The following TRPC4 variants were observed in gnomAD, a reference collection of about 807,000 sequenced individuals.
The protein encoded by TRPC4 is short transient receptor potential channel 4.
A neutral mutation model predicts 99.4 loss-of-function variants in TRPC4; 49 were observed. The ratio of observed to expected loss-of-function variants is 0.49; its 90% CI spans 0.39 to 0.63. TRPC4 has a LOEUF of 0.63. Ranked by LOEUF, TRPC4 falls within the 20% of genes least tolerant of loss-of-function variation. The pLI is 0.00. For synonymous variants in TRPC4, 454 were observed against 425.9 expected (o/e 1.07, Z -0.81); for missense variants, 898 against 1,152.9 (o/e 0.78, Z 3.20).
In TRPC4 at chr13:37,868,290, T is replaced by TG. The variant is rs200353095; in HGVS notation, c.-28+1304dup. Among the ~76,000 whole-genome samples, 387 of 74,974 alleles carry TG rather than the reference T, an allele frequency of 5.2e-3. 4 individuals carry two copies. The East Asian group carries it at 0.072, about 14-fold the overall frequency. The allele number at this position is 74,974 out of a possible 152,430, so 49.2% of individuals were successfully genotyped here. A position where few individuals can be genotyped will look rare whatever the true frequency, so the allele number is the denominator to read the frequency against. On this transcript the variant is annotated intron_variant, in intron 1 of 10. Transcript: ENST00000379705. ...GCAAGTAAATTGAAATTGATCTTAT[T>TG]GTTTTTTTTCCCCCCTTAAACATTT...
At chr13:37,832,780 C>A (rs1211375628) in intron 1 of TRPC4, among the ~76,000 whole-genome samples, 2 of 151,926 alleles carry the variant, frequency 1.3e-5, no homozygotes, top group Non-Finnish European at 2.9e-5. Context: ...AAAATATATG[C>A]TTTAAATGTA....
At chr13:37,685,004 A>G (rs1953414138) in intron 4 of TRPC4, among the ~76,000 whole-genome samples, 1 of 152,086 alleles carries the variant, frequency 6.6e-6, no homozygotes, top group Non-Finnish European at 1.5e-5. Flanking sequence ...GTCACACATA[A>G]TATGTTTTAG....
At chr13:37,859,223 T>A (rs780470685) in intron 1 of TRPC4, among the ~76,000 whole-genome samples, 2 of 150,768 alleles carry the variant, frequency 1.3e-5, no homozygotes, top group Non-Finnish European at 3.0e-5. Context: ...GGAAAAAGCA[T>A]TAAAAGAAAA....
chr13:37,803,063 T>C (rs1957444702), intron 1 of TRPC4, among the ~76,000 whole-genome samples: 2 of 152,100 alleles, frequency 1.3e-5, no homozygotes, highest in Non-Finnish European at 2.9e-5. Flanking sequence ...TATTATTGTT[T>C]CTTTTATTGC....
intron 2 of TRPC4, among the ~76,000 whole-genome samples, chr13:37,782,310 A>G (rs1228975378): frequency 6.6e-6 from 1 of 152,108 alleles, no homozygotes; most frequent in African/African-American, 2.4e-5. Context: ...GTGCCATTTT[A>G]GTTTATTTTC....
chr13:37,644,889 A>AAAG (rs1555249110), intron 8 of TRPC4, among the ~76,000 whole-genome samples: 72 of 150,826 alleles, frequency 4.8e-4, no homozygotes, highest in Non-Finnish European at 9.8e-4. Context: ...AAAAAAAAAA[A>AAAG]AAAGAAAGAA....
At position 37,674,251 on chromosome 13, in the gene TRPC4, A is replaced by G. The variant is rs777239160; in HGVS notation, c.1351T>C (p.Leu451=). The change falls in exon 5 of 11, where the codon TTG becomes CTG. Residue 451 remains leucine, a synonymous_variant. Transcript: ENST00000379705. ...MNSLYLATIS[L]KIVAFVKYSA... ...ACCTTTACAAATGCAACAATTTTCA[A>G]GGAGATTGTTGCTAAATATAAGGAG... is the stretch of plus-strand genomic sequence containing the variant. 6.3e-7 allele frequency: 1 copy of G among 1,590,556 alleles called. No homozygotes were observed. Among genetic ancestry groups the G allele is most frequent in the Non-Finnish European group, 8.5e-7 (1 of 1,171,012 alleles).
intron 3 of TRPC4, among the ~76,000 whole-genome samples, chr13:37,745,458 A>ATATATGCGTG (rs1555265730): frequency 1.5e-4 from 1 of 6,584 alleles, no homozygotes; most frequent in Non-Finnish European, 4.3e-4. Context: ...ATATATATAT[A>ATATATGCGTG]TATATATATA....
At chr13:37,854,810 T>A (rs1193818962) in intron 1 of TRPC4, 1 of 151,706 alleles carries the variant, frequency 6.6e-6, no homozygotes, top group African/African-American at 2.4e-5. Flanking sequence ...ACTACCTTCA[T>A]GGAAAGAAGA....
At chr13:37,857,943 C>T (rs1959187560) in intron 1 of TRPC4, among the ~76,000 whole-genome samples, 1 of 151,650 alleles carries the variant, frequency 6.6e-6, no homozygotes. Flanking sequence ...AAAGTTTCTG[C>T]ACAGCAAAAG....
Position 37,731,747 on chromosome 13 carries a change from T to C in TRPC4, c.897+14190A>G, listed in dbSNP as rs564681679. Among the ~76,000 whole-genome samples the C allele has an allele frequency of 9.2e-5, 14 of 152,250 alleles. No homozygotes were observed. In the South Asian group the frequency reaches 2.9e-3, roughly 32 times the overall value. Reference sequence around the variant, plus strand: ...AGTTTTATGTCAAATATTCCTTTCATTAAAATAGTTAAAATCAAACAAAAT... The same window carrying C: ...AGTTTTATGTCAAATATTCCTTTCACTAAAATAGTTAAAATCAAACAAAAT... On this transcript the variant is annotated intron_variant, in intron 3 of 10. Transcript: ENST00000379705.
chr13:37,802,293 C>A (rs1274501607), intron 1 of TRPC4, among the ~76,000 whole-genome samples: 4 of 151,986 alleles, frequency 2.6e-5, no homozygotes, highest in Admixed American at 6.6e-5. Flanking sequence ...TAGGATTTCA[C>A]CTTATTTTTG....
At chr13:37,762,002 G>A (rs771454775) in intron 2 of TRPC4, among the ~76,000 whole-genome samples, 19 of 151,736 alleles carry the variant, frequency 1.3e-4, no homozygotes, top group Non-Finnish European at 2.1e-4. Flanking sequence ...TTGTATTTTA[G>A]GTAAATACTG....
At chr13:37,820,750 G>C (rs7491295) in intron 1 of TRPC4, among the ~76,000 whole-genome samples, 43,546 of 151,684 alleles carry the variant, frequency 0.29, 6,443 homozygotes, top group East Asian at 0.43. Flanking sequence ...TTCATAGTCA[G>C]AACCCTCAAC....
chr13:37,852,368 G>T (rs2139681681), intron 1 of TRPC4, among the ~76,000 whole-genome samples: 1 of 152,246 alleles, frequency 6.6e-6, no homozygotes, highest in Admixed American at 6.5e-5. Flanking sequence ...CACACTCTGG[G>T]CCAAAAGGAA....
At chr13:37,705,820 A>G (rs753038128) in intron 3 of TRPC4, among the ~76,000 whole-genome samples, 10 of 152,122 alleles carry the variant, frequency 6.6e-5, no homozygotes, top group Non-Finnish European at 1.3e-4. Context: ...TTAGCCCTGC[A>G]CGGTTACACT....
At chr13:37,836,452 T>G (rs1958568561) in intron 1 of TRPC4, among the ~76,000 whole-genome samples, 1 of 152,116 alleles carries the variant, frequency 6.6e-6, no homozygotes, top group Non-Finnish European at 1.5e-5. Context: ...GATAGTGATA[T>G]GGACAATGAA....
At chr13:37,823,524 A>G (rs1958088815) in intron 1 of TRPC4, among the ~76,000 whole-genome samples, 1 of 151,514 alleles carries the variant, frequency 6.6e-6, no homozygotes, top group African/African-American at 2.4e-5. Context: ...TTTATTAAAT[A>G]GGGAATCCTT....
At chr13:37,794,816 A>C (rs1211126673) in intron 1 of TRPC4, among the ~76,000 whole-genome samples, 1 of 152,192 alleles carries the variant, frequency 6.6e-6, no homozygotes. Flanking sequence ...TCTTCCTCAT[A>C]GACTGGGTGT....
Sources: gnomAD v4.1 joint callset for allele counts (sites outside exome capture counted in the v4.1 genomes callset) on GRCh38, gnomAD v4.1.1 for gene constraint, MANE v1.5 for transcripts, NCBI Gene and HGNC (gene_info 2026-07-23, HGNC 2026-07-21) for gene names.